The following SH2D4A variants were observed in gnomAD, a reference collection of about 807,000 sequenced individuals.
SH2D4A encodes the protein SH2 domain-containing protein 4A.
Under a neutral mutation model 64.7 loss-of-function variants are expected in SH2D4A, and 70 were observed. The ratio of observed to expected loss-of-function variants is 1.08; its 90% CI spans 0.89 to 1.32. The LOEUF is 1.32. SH2D4A is among the 40% of genes most tolerant of loss of function. The pLI is 0.00. For missense variants in SH2D4A, 706 were observed against 540.1 expected, an observed-to-expected ratio of 1.31 and a Z score of -3.04; for synonymous variants, 268 against 200.7, an observed-to-expected ratio of 1.34 and a Z score of -2.83.
At chr8:19,327,087 C>T (rs1480100419) in intron 2 of SH2D4A, among the ~76,000 whole-genome samples, 1 of 152,180 alleles carries the variant, frequency 6.6e-6, no homozygotes, top group Non-Finnish European at 1.5e-5. Flanking sequence ...TCTCTCAGAT[C>T]TTAGAGATTT....
chr8:19,365,499 C>T (rs1160628577), intron 7 of SH2D4A, among the ~76,000 whole-genome samples: 1 of 152,204 alleles, frequency 6.6e-6, no homozygotes, highest in African/African-American at 2.4e-5. Flanking sequence ...ACGTTGGCGA[C>T]AGAGCCTCAG....
intron 2 of SH2D4A, among the ~76,000 whole-genome samples, chr8:19,320,313 G>A (rs1366959231): frequency 3.3e-5 from 5 of 152,102 alleles, no homozygotes; most frequent in Admixed American, 2.6e-4. Flanking sequence ...GACCATGGGG[G>A]AGGAAATCTT....
At chr8:19,330,238 ACAACTTCCC>A (rs1279087400) in intron 2 of SH2D4A, among the ~76,000 whole-genome samples, 2 of 152,118 alleles carry the variant, frequency 1.3e-5, no homozygotes, top group Non-Finnish European at 2.9e-5. Context: ...TTATACTAGA[ACAACTTCCC>A]CCTCCTCCTA....
intron 7 of SH2D4A, among the ~76,000 whole-genome samples, chr8:19,366,128 C>T (rs185767981): frequency 6.6e-6 from 1 of 151,946 alleles, no homozygotes; most frequent in Non-Finnish European, 1.5e-5. Flanking sequence ...TTCATCGAAA[C>T]TTGATTGTGG....
At position 19,393,401 on chromosome 8, in the gene SH2D4A, A is replaced by G. The variant is rs2053527525; in HGVS notation, c.1132A>G (p.Ile378Val). ...TTTTCTCATCCGAGTCAGTGAAAGG[A>G]TCAAAGGCTATGCCCTGTCCTATCT... ...GSFLIRVSERIKGYALSYLSE... is the reference protein window; with the variant it reads ...GSFLIRVSERVKGYALSYLSE... The change falls in exon 9 of 10, where the codon ATC (isoleucine) becomes GTC (valine). Residue 378 changes from isoleucine (I) to valine (V), a missense_variant. Transcript: ENST00000265807. The G allele has an allele frequency of 6.2e-7, 1 of 1,613,986 alleles. No homozygotes were observed. Among genetic ancestry groups the G allele is most frequent in the African/African-American group, 1.3e-5 (1 of 74,934 alleles).
chr8:19,376,297 T>A (rs1334605388), intron 8 of SH2D4A, among the ~76,000 whole-genome samples: 1 of 151,932 alleles, frequency 6.6e-6, no homozygotes, highest in East Asian at 1.9e-4. Flanking sequence ...TTATGGAGGG[T>A]AATCTGCTTT....
chr8:19,361,276 G>C lies in SH2D4A; in HGVS notation c.668G>C (p.Cys223Ser), dbSNP rs781497079. 18 of 1,612,410 alleles carry C rather than the reference G, an allele frequency of 1.1e-5. No homozygotes were observed. In the South Asian group the frequency reaches 1.9e-4, roughly 17 times the overall value. The change falls in exon 6 of 10, where the codon TGT becomes TCT. Residue 223 changes from cysteine (C) to serine (S), a missense_variant. Transcript: ENST00000265807. ...QIEEERTKQI[C>S]KSWKEDSEWQ... is the part of the protein sequence containing the mutation. ...GAAGAAGAGAGAACGAAGCAGATTT[G>C]TAAGAGCTGGAAAGAAGACTCGGAA...
At chr8:19,319,311 C>T (rs1221334362) in intron 1 of SH2D4A, 33 bp from the exon 2 acceptor site, 32 of 1,177,990 alleles carry the variant, frequency 2.7e-5, no homozygotes, top group Non-Finnish European at 1.5e-5. Context: ...CATTTTAACA[C>T]GCTGCCTGAA....
rs147163226 is a variant in SH2D4A, at chr8:19,337,840, A to T, written c.513+2983A>T. Among the ~76,000 whole-genome samples the T allele has an allele frequency of 9.3e-3, 1,417 of 152,300 alleles. 17 individuals carry two copies. Among genetic ancestry groups the T allele is most frequent in the Non-Finnish European group, 0.014 (963 of 68,028 alleles). On this transcript the variant is annotated intron_variant, in intron 4 of 9. Coordinates refer to ENST00000265807, the MANE Select transcript of SH2D4A (RefSeq NM_022071.4). ...TGCCTCCCACCAGGTTCCTCCCACA[A>T]CACATGGGAATTGTGGGAGTTACAA...
Position 19,332,761 on chromosome 8 carries a change from A to T in SH2D4A, c.182-194A>T, listed in dbSNP as rs573588258. Among the ~76,000 whole-genome samples, 6 of 151,400 alleles carry T rather than the reference A, an allele frequency of 4.0e-5. No individual in the cohort carries two copies. In the East Asian group the frequency reaches 9.7e-4, roughly 24 times the overall value. On this transcript the variant is annotated intron_variant, in intron 2 of 9. Coordinates refer to ENST00000265807, the MANE Select transcript of SH2D4A (RefSeq NM_022071.4). ...TAATATTTTTAAAACAAATATTTTC[A>T]CTGAAGCTGCCTCTCACTGCCACCA...
Position 19,373,583 on chromosome 8 carries a change from G to C in SH2D4A, c.971G>C (p.Arg324Pro). ...AGCTCTGCCCAAGAGGACATCATCCGGTGGTTTAAAGAGGAGCAGCTACCA... is the reference window on the plus strand; with the variant it reads ...AGCTCTGCCCAAGAGGACATCATCCCGTGGTTTAAAGAGGAGCAGCTACCA... ...LSSSAQEDII[R>P]WFKEEQLPLR... The change falls in exon 8 of 10, where the codon CGG (arginine) becomes CCG (proline). Residue 324 changes from arginine to proline, a missense_variant. Physicochemically the swap from Arg to Pro is moderately radical, Grantham distance 103. Coordinates refer to ENST00000265807, the MANE Select transcript of SH2D4A (RefSeq NM_022071.4). 1 of 1,613,178 alleles carries C rather than the reference G, an allele frequency of 6.2e-7. No homozygotes were observed. The highest frequency in any genetic ancestry group is 1.1e-5 in the South Asian group (1 of 91,032).
chr8:19,356,897 G>T (rs78783031), intron 4 of SH2D4A, among the ~76,000 whole-genome samples: 18,824 of 152,228 alleles, frequency 0.12, 1,235 homozygotes, highest in Middle Eastern at 0.18. Flanking sequence ...AATGTTGATG[G>T]CTGGAAGTTA....
intron 4 of SH2D4A, among the ~76,000 whole-genome samples, chr8:19,346,217 G>C (rs918826642): frequency 2.0e-5 from 3 of 152,202 alleles, no homozygotes; most frequent in African/African-American, 7.2e-5. Flanking sequence ...TATAAGGCAG[G>C]AGCCCCTATC....
chr8:19,393,778 A>G (rs1348488250), intron 9 of SH2D4A, among the ~76,000 whole-genome samples: 1 of 152,182 alleles, frequency 6.6e-6, no homozygotes, highest in Non-Finnish European at 1.5e-5. Context: ...AGAATACGGG[A>G]AATGCTAAAA....
chr8:19,343,752 C>T (rs142953889), intron 4 of SH2D4A, among the ~76,000 whole-genome samples: 13 of 152,166 alleles, frequency 8.5e-5, no homozygotes, highest in African/African-American at 1.4e-4. Flanking sequence ...GGCATTACAG[C>T]GCCACGAGGA....
At chr8:19,349,758 T>G (rs2052667686) in intron 4 of SH2D4A, among the ~76,000 whole-genome samples, 1 of 152,240 alleles carries the variant, frequency 6.6e-6, no homozygotes, top group Non-Finnish European at 1.5e-5. Context: ...ATTGTTGTTA[T>G]TATTATTTCT....
Position 19,319,487 on chromosome 8 carries a change from C to A in SH2D4A, c.-61C>A, listed in dbSNP as rs2117171288. On this transcript the variant is annotated 5_prime_UTR_variant, in exon 2 of 10. Coordinates refer to ENST00000265807, the MANE Select transcript of SH2D4A (RefSeq NM_022071.4). ...CCAAGTGCCAGCACAGGTGGAGGGA[C>A]ACCTGGAGGCCAGTTTCAGGAACTT... is the stretch of plus-strand genomic sequence containing the variant. 1.4e-6 allele frequency: 2 copies of A among 1,407,186 alleles called. No individual in the cohort carries two copies. Among genetic ancestry groups the A allele is most frequent in the Admixed American group, 2.8e-5 (1 of 35,748 alleles). The allele number at this position is 1,407,186 out of a possible 1,614,324, so 87.2% of individuals were successfully genotyped here. A position where few individuals can be genotyped will look rare whatever the true frequency, so the allele number is the denominator to read the frequency against.
At chr8:19,355,106 C>T (rs533219728) in intron 4 of SH2D4A, among the ~76,000 whole-genome samples, 33 of 152,104 alleles carry the variant, frequency 2.2e-4, no homozygotes, top group African/African-American at 8.0e-4. Flanking sequence ...ATTAGTTTGC[C>T]AAGTAATAAA....
chr8:19,367,687 AT>A (rs1460322990), intron 7 of SH2D4A, among the ~76,000 whole-genome samples: 2 of 151,858 alleles, frequency 1.3e-5, no homozygotes, highest in African/African-American at 4.8e-5. Context: ...TACTCTGTTG[AT>A]TGTTTCCTTT....
Sources: gnomAD v4.1 joint callset for allele counts (sites outside exome capture counted in the v4.1 genomes callset) on GRCh38, gnomAD v4.1.1 for gene constraint, MANE v1.5 for transcripts, NCBI Gene and HGNC (gene_info 2026-07-23, HGNC 2026-07-21) for gene names.